The following MME variants were observed in gnomAD, a reference collection of about 807,000 sequenced individuals.
MME encodes membrane metalloendopeptidase.
In MME, 98 loss-of-function variants were observed where a neutral mutation model predicts 113.2. The observed-to-expected ratio is 0.87, with a 90% CI of 0.74 to 1.02. The LOEUF is 1.02. Among genes scored for constraint, MME ranks in the 50% least tolerant of loss-of-function variants. The pLI is 0.00. For missense variants in MME, 836 were observed against 896.0 expected (o/e 0.93, Z 0.86); for synonymous variants, 292 against 300.6 (o/e 0.97, Z 0.30).
intron 1 of MME, among the ~76,000 whole-genome samples, chr3:155,045,263 G>A (rs926572892): frequency 6.6e-6 from 1 of 151,154 alleles, no homozygotes; most frequent in African/African-American, 2.4e-5. Flanking sequence ...CGATTCCCCT[G>A]CCTCAGCCTC....
intron 1 of MME, among the ~76,000 whole-genome samples, chr3:155,067,361 A>G (rs549771309): frequency 8.2e-4 from 95 of 115,372 alleles, no homozygotes; most frequent in African/African-American, 3.1e-3. Context: ...CCCAGGCTGG[A>G]GTGCAGTGGC....
intron 1 of MME, among the ~76,000 whole-genome samples, chr3:155,062,812 C>G (rs1044896897): frequency 6.6e-6 from 1 of 151,712 alleles, no homozygotes; most frequent in Non-Finnish European, 1.5e-5. Context: ...CCGAGGCCCA[C>G]GGATCACAAG....
intron 1 of MME, among the ~76,000 whole-genome samples, chr3:155,045,203 T>C (rs1713514236): frequency 6.6e-6 from 1 of 151,122 alleles, no homozygotes; most frequent in South Asian, 2.1e-4. Flanking sequence ...CAGGCTGGAG[T>C]GCAATGGCAC....
chr3:155,063,486 T>TATATATATATTTAA (rs1280971865), intron 1 of MME, among the ~76,000 whole-genome samples: 48 of 55,582 alleles, frequency 8.6e-4, no homozygotes, highest in East Asian at 4.7e-3. Flanking sequence ...TATTATTTTA[T>TATATATATATTTAA]ATATATATAT....
chr3:155,084,439 T>C (rs1426598409), intron 2 of MME, 112 bp downstream of exon 2: 1 of 1,039,566 alleles, frequency 9.6e-7, no homozygotes, highest in Non-Finnish European at 1.5e-6. Flanking sequence ...ACTTAAAGAC[T>C]GACAAAGAGA....
intron 4 of MME, among the ~76,000 whole-genome samples, chr3:155,115,830 G>A (rs1718554214): frequency 6.6e-6 from 1 of 152,168 alleles, no homozygotes; most frequent in Admixed American, 6.5e-5. Context: ...TAAAGTTACT[G>A]TAAGATGTTA....
chr3:155,163,886 TAATCCC>T (rs1722893209), intron 17 of MME, among the ~76,000 whole-genome samples: 1 of 152,150 alleles, frequency 6.6e-6, no homozygotes, highest in African/African-American at 2.4e-5. Flanking sequence ...CTCATGCCTG[TAATCCC>T]AGTAGTTTGG....
At position 155,167,057 on chromosome 3, in the gene MME, A is replaced by T. The variant is rs200867665; in HGVS notation, c.1780+36A>T. On this transcript the variant is annotated intron_variant, in intron 18 of 22. Coordinates refer to ENST00000360490, the MANE Select transcript of MME (RefSeq NM_007289.4). Reference sequence around the variant, plus strand: ...GTTGACATTTTCCTTTGGCTGAGGTATATGCTCATAAATTTGATTAAGAGT... The same window carrying T: ...GTTGACATTTTCCTTTGGCTGAGGTTTATGCTCATAAATTTGATTAAGAGT... 2 of 1,611,712 alleles carry T rather than the reference A, an allele frequency of 1.2e-6. 1 individual carries two copies.
chr3:155,086,249 G>C (rs116347917), intron 3 of MME, among the ~76,000 whole-genome samples: 1 of 152,146 alleles, frequency 6.6e-6, no homozygotes, highest in Non-Finnish European at 1.5e-5. Context: ...TGAATGAATT[G>C]AGAATGATGC....
Position 155,123,787 on chromosome 3 carries a change from C to T in MME, c.720+4976C>T, listed in dbSNP as rs1314502250. On this transcript the variant is annotated intron_variant, in intron 8 of 22. Transcript: ENST00000360490. The stretch of plus-strand genomic sequence containing the variant: ...CTTGTAGGGTTTCTGCCGAGAGATC[C>T]GTTGTTAGTCTGATGGGCTTCCCTT... Among the ~76,000 whole-genome samples, 5 of 66,150 alleles carry T rather than the reference C, an allele frequency of 7.6e-5. 2 individuals are homozygous for T. Among genetic ancestry groups the T allele is most frequent in the African/African-American group, 1.0e-4 (2 of 19,212 alleles). The allele number at this position is 66,150 out of a possible 152,430, so 43.4% of individuals were successfully genotyped here. A position where few individuals can be genotyped will look rare whatever the true frequency, so the allele number is the denominator to read the frequency against.
At chr3:155,148,452 T>C in intron 15 of MME, 98 bp from the exon 16 acceptor site, 2 of 792,346 alleles carry the variant, frequency 2.5e-6, no homozygotes, top group Non-Finnish European at 4.2e-6. Flanking sequence ...CTTTTAACTT[T>C]ATTGACTGAT....
intron 3 of MME, among the ~76,000 whole-genome samples, chr3:155,106,093 A>G (rs1717661487): frequency 6.6e-6 from 1 of 152,230 alleles, no homozygotes. Context: ...AAACTAGAAC[A>G]GCAAAAATAG....
At chr3:155,105,050 G>C (rs764502070) in intron 3 of MME, among the ~76,000 whole-genome samples, 19 of 152,052 alleles carry the variant, frequency 1.2e-4, no homozygotes, top group Admixed American at 3.9e-4. Flanking sequence ...TGCGAATTCT[G>C]GAGGAATCCC....
At chr3:155,178,288 G>A (rs1019984073) in intron 22 of MME, among the ~76,000 whole-genome samples, 1 of 152,130 alleles carries the variant, frequency 6.6e-6, no homozygotes, top group African/African-American at 2.4e-5. Context: ...AAAGATAGGA[G>A]AGTTGTGGTG....
At chr3:155,118,238 A>G (rs1718789123) in intron 7 of MME, among the ~76,000 whole-genome samples, 1 of 152,190 alleles carries the variant, frequency 6.6e-6, no homozygotes, top group Non-Finnish European at 1.5e-5. Flanking sequence ...GAGTTACCTT[A>G]GAGGTTTTCC....
At chr3:155,056,067 A>C (rs1187675383) in intron 1 of MME, among the ~76,000 whole-genome samples, 1 of 152,038 alleles carries the variant, frequency 6.6e-6, no homozygotes, top group Admixed American at 6.5e-5. Context: ...CTGTTTTTTA[A>C]CTACAAATTG....
At chr3:155,057,816 A>G (rs1049445332) in intron 1 of MME, among the ~76,000 whole-genome samples, 5 of 151,820 alleles carry the variant, frequency 3.3e-5, no homozygotes, top group Admixed American at 1.3e-4. Context: ...TGCTTACAGG[A>G]TGAATGGAGG....
intron 8 of MME, among the ~76,000 whole-genome samples, chr3:155,129,592 C>A (rs775740863): frequency 6.6e-5 from 10 of 151,996 alleles, no homozygotes; most frequent in African/African-American, 2.2e-4. Flanking sequence ...AGAAAGGGGC[C>A]CACATTCACC....
At chr3:155,146,156 A>G (rs1427152657) in intron 14 of MME, among the ~76,000 whole-genome samples, 6 of 152,218 alleles carry the variant, frequency 3.9e-5, no homozygotes, top group Non-Finnish European at 8.8e-5. Flanking sequence ...AATAACAAGT[A>G]GTAAACAAGT....
Sources: gnomAD v4.1 joint callset for allele counts (sites outside exome capture counted in the v4.1 genomes callset) on GRCh38, gnomAD v4.1.1 for gene constraint, MANE v1.5 for transcripts, NCBI Gene and HGNC (gene_info 2026-07-23, HGNC 2026-07-21) for gene names.